Variants in MAN1A1 observed in about 807,000 individuals in gnomAD.
The protein encoded by MAN1A1 is mannosyl-oligosaccharide 1,2-alpha-mannosidase IA.
Under a neutral mutation model 70.8 loss-of-function variants are expected in MAN1A1, and 29 were observed. That is an observed-to-expected ratio of 0.41 (90% CI 0.31 to 0.56). The LOEUF is 0.56. MAN1A1 is among the 20% of genes least tolerant of loss of function. The pLI is 0.29. For missense variants in MAN1A1, 747 were observed against 841.3 expected (o/e 0.89, Z 1.39); for synonymous variants, 349 against 330.1 (o/e 1.06, Z -0.62).
intron 4 of MAN1A1, among the ~76,000 whole-genome samples, chr6:119,299,638 A>T (rs1032789711): frequency 2.6e-5 from 4 of 152,170 alleles, no homozygotes; most frequent in African/African-American, 9.7e-5. Flanking sequence ...GTATCTTAGC[A>T]ATAACTCAAT....
At chr6:119,307,815 G>A in intron 2 of MAN1A1, among the ~76,000 whole-genome samples, 1 of 152,082 alleles carries the variant, frequency 6.6e-6, no homozygotes, top group Non-Finnish European at 1.5e-5. Flanking sequence ...GGACATAATT[G>A]AAAAAGGTTC....
chr6:119,229,417 C>T (rs1235651352), intron 6 of MAN1A1, among the ~76,000 whole-genome samples: 1 of 152,062 alleles, frequency 6.6e-6, no homozygotes, highest in Non-Finnish European at 1.5e-5. Context: ...TGTTGACAAA[C>T]TTATTTATCT....
intron 11 of MAN1A1, among the ~76,000 whole-genome samples, chr6:119,185,989 A>G (rs892331207): frequency 2.0e-5 from 3 of 152,010 alleles, no homozygotes. Flanking sequence ...AGGTCAGGAG[A>G]AGAAAATCAA....
chr6:119,231,104 T>C (rs1582717309), intron 6 of MAN1A1, among the ~76,000 whole-genome samples: 1 of 152,218 alleles, frequency 6.6e-6, no homozygotes. Context: ...GTGCAGTGCC[T>C]ACTTAAAGAC....
intron 2 of MAN1A1, among the ~76,000 whole-genome samples, chr6:119,334,482 T>G (rs1257694484): frequency 1.4e-5 from 2 of 145,972 alleles, no homozygotes; most frequent in Admixed American, 7.3e-5. Context: ...GCCAAAATGT[T>G]CTTCTGAAAA....
intron 2 of MAN1A1, among the ~76,000 whole-genome samples, chr6:119,335,400 C>T (rs1221866805): frequency 2.0e-5 from 3 of 152,128 alleles, no homozygotes; most frequent in Non-Finnish European, 4.4e-5. Flanking sequence ...ATTTCAAAGG[C>T]GTGGAAAGGG....
At chr6:119,268,613 G>T (rs1448291497) in intron 5 of MAN1A1, among the ~76,000 whole-genome samples, 1 of 151,862 alleles carries the variant, frequency 6.6e-6, no homozygotes, top group Non-Finnish European at 1.5e-5. Context: ...TTGAGACAGG[G>T]TCTCACTCTG....
chr6:119,251,687 TAGA>T (rs1775322005), intron 5 of MAN1A1, among the ~76,000 whole-genome samples: 1 of 152,226 alleles, frequency 6.6e-6, no homozygotes, highest in African/African-American at 2.4e-5. Flanking sequence ...TTTTTCTTCC[TAGA>T]AGTAGAGAAA....
rs1358274186 is a variant in MAN1A1 at position 119,260,978 on chromosome 6, T to C, written c.898-12624A>G. 5.4e-4 allele frequency among the ~76,000 whole-genome samples: 22 copies of C among 40,778 alleles called. 3 individuals carry two copies. The highest frequency in any genetic ancestry group is 1.6e-3 in the South Asian group (1 of 632). 26.8% of individuals were successfully genotyped at this position (40,778 alleles called of 152,430 possible). A position where few individuals can be genotyped will look rare whatever the true frequency, so the allele number is the denominator to read the frequency against. ...TCTAAATGTCTTGTTTTTTTATTGT[T>C]TTTTTTTTTTTTTTTTTTGAGATGG... On this transcript the variant is annotated intron_variant, in intron 5 of 12. Transcript: ENST00000368468.
At chr6:119,180,281 G>C in intron 12 of MAN1A1, 31 bp downstream of exon 12, 1 of 1,469,796 alleles carries the variant, frequency 6.8e-7, no homozygotes, top group Non-Finnish European at 9.5e-7. Context: ...AGGTACCTTA[G>C]CCACATGGTT....
intron 7 of MAN1A1, 133 bp downstream of exon 7, chr6:119,204,625 GT>G (rs1773807232): frequency 1.8e-6 from 2 of 1,093,240 alleles, no homozygotes; most frequent in Admixed American, 4.3e-5. Flanking sequence ...AATGCTGCAT[GT>G]TGCAAAACTT....
chr6:119,313,313 C>T (rs1371281223), intron 2 of MAN1A1, among the ~76,000 whole-genome samples: 1 of 152,142 alleles, frequency 6.6e-6, no homozygotes, highest in Non-Finnish European at 1.5e-5. Context: ...TGATCCTTGT[C>T]CTCACATCAT....
intron 6 of MAN1A1, among the ~76,000 whole-genome samples, chr6:119,221,379 T>C (rs1242570418): frequency 1.3e-5 from 2 of 152,084 alleles, no homozygotes; most frequent in Non-Finnish European, 2.9e-5. Context: ...CTGACAAATA[T>C]GAATAGATAT....
At chr6:119,187,345 G>C (rs956433356) in intron 11 of MAN1A1, among the ~76,000 whole-genome samples, 7 of 152,090 alleles carry the variant, frequency 4.6e-5, no homozygotes, top group African/African-American at 1.7e-4. Context: ...GTTTAGAAAA[G>C]CTTCAACTTT....
intron 2 of MAN1A1, among the ~76,000 whole-genome samples, chr6:119,344,339 G>A (rs1322423349): frequency 2.0e-5 from 3 of 152,148 alleles, no homozygotes; most frequent in Non-Finnish European, 4.4e-5. Context: ...ACCCATTACT[G>A]TATATATGTA....
chr6:119,183,097 T>A (rs191200581), intron 11 of MAN1A1, among the ~76,000 whole-genome samples: 8 of 152,316 alleles, frequency 5.3e-5, no homozygotes, highest in Non-Finnish European at 1.2e-4. Flanking sequence ...AGCTCCCATC[T>A]GCAGATACTG....
intron 2 of MAN1A1, among the ~76,000 whole-genome samples, chr6:119,329,518 T>G (rs555688592): frequency 2.8e-4 from 43 of 152,176 alleles, no homozygotes; most frequent in African/African-American, 1.0e-3. Flanking sequence ...AATGATCTCT[T>G]GTATCAGATT....
chr6:119,203,578 T>C (rs992164703), intron 7 of MAN1A1, among the ~76,000 whole-genome samples: 3 of 151,866 alleles, frequency 2.0e-5, no homozygotes, highest in Non-Finnish European at 2.9e-5. Flanking sequence ...ATGGTGTACA[T>C]ACAGTACACC....
chr6:119,236,638 G>A (rs1404963523), intron 6 of MAN1A1, among the ~76,000 whole-genome samples: 3 of 151,494 alleles, frequency 2.0e-5, no homozygotes, highest in Admixed American at 6.6e-5. Flanking sequence ...CACCTGAGAG[G>A]TGGAGGTTGC....
Sources: gnomAD v4.1 joint callset for allele counts (sites outside exome capture counted in the v4.1 genomes callset) on GRCh38, gnomAD v4.1.1 for gene constraint, MANE v1.5 for transcripts, NCBI Gene and HGNC (gene_info 2026-07-23, HGNC 2026-07-21) for gene names.